ERBB4: variants seen among roughly 807,000 people sequenced by gnomAD.
The protein encoded by ERBB4 is erb-b2 receptor tyrosine kinase 4, also known as receptor tyrosine-protein kinase erbB-4.
Under a neutral mutation model 158.0 loss-of-function variants are expected in ERBB4, and 42 were observed. The ratio of observed to expected loss-of-function variants is 0.27; its 90% CI spans 0.21 to 0.34. ERBB4 has a LOEUF of 0.34. Ranked by LOEUF, ERBB4 falls within the 10% of genes least tolerant of loss-of-function variation. ERBB4 has a pLI of 1.00. For missense variants in ERBB4, 1,333 were observed against 1,624.1 expected (o/e 0.82, Z 3.08); for synonymous variants, 583 against 558.7 (o/e 1.04, Z -0.61).
chr2:212,249,900 T>C lies in ERBB4; in HGVS notation c.83-124997A>G, dbSNP rs549609475. ...TGTATATGAATATAGTAAAGAAGCT[T>C]GACAATGTCAAAGAGCTTATATGCA... On this transcript the variant is annotated intron_variant, in intron 1 of 27. Transcript: ENST00000342788. 3.0e-4 allele frequency among the ~76,000 whole-genome samples: 45 copies of C among 152,136 alleles called. No homozygotes were observed. In the East Asian group the frequency reaches 7.7e-3, roughly 26 times the overall value.
chr2:211,813,813 T>C (rs1371338381), intron 3 of ERBB4, among the ~76,000 whole-genome samples: 2 of 152,068 alleles, frequency 1.3e-5, no homozygotes, highest in Non-Finnish European at 2.9e-5. Context: ...ATGTTAAAAA[T>C]ACCTTTAAAC....
intron 14 of ERBB4, among the ~76,000 whole-genome samples, chr2:211,670,294 C>G (rs774149256): frequency 8.5e-5 from 13 of 152,166 alleles, no homozygotes; most frequent in Non-Finnish European, 1.8e-4. Flanking sequence ...GTTTGGGCCA[C>G]TGGTTGAGCT....
intron 1 of ERBB4, among the ~76,000 whole-genome samples, chr2:212,265,030 C>T (rs1450873990): frequency 6.6e-6 from 1 of 152,056 alleles, no homozygotes; most frequent in Admixed American, 6.6e-5. Context: ...GAGGGGCCCA[C>T]TGGGGTCCAT....
intron 1 of ERBB4, among the ~76,000 whole-genome samples, chr2:212,152,135 T>C (rs969638649): frequency 5.3e-5 from 8 of 152,206 alleles, no homozygotes; most frequent in African/African-American, 1.9e-4. Context: ...TAAATCTGTT[T>C]AGAATTCTCA....
chr2:212,407,516 C>T (rs1485815718), intron 1 of ERBB4, among the ~76,000 whole-genome samples: 1 of 152,048 alleles, frequency 6.6e-6, no homozygotes, highest in Non-Finnish European at 1.5e-5. Flanking sequence ...ACTCTGACTT[C>T]AAAATGCATG....
intron 16 of ERBB4, among the ~76,000 whole-genome samples, chr2:211,648,083 G>C (rs2070842777): frequency 6.6e-6 from 1 of 151,776 alleles, no homozygotes; most frequent in South Asian, 2.1e-4. Context: ...CCTCCCTTGA[G>C]CTCCACAGTA....
intron 2 of ERBB4, among the ~76,000 whole-genome samples, chr2:211,985,912 C>A (rs1274407737): frequency 2.0e-5 from 3 of 152,002 alleles, no homozygotes; most frequent in Admixed American, 6.6e-5. Context: ...AATACTGTTC[C>A]CAAAATTTCA....
intron 20 of ERBB4, among the ~76,000 whole-genome samples, chr2:211,458,174 A>G (rs1278807151): frequency 6.7e-6 from 1 of 148,400 alleles, no homozygotes; most frequent in African/African-American, 2.6e-5. Flanking sequence ...AGGTCACAAC[A>G]CTTGCCCAGC....
chr2:211,773,009 C>T (rs1403166297), intron 4 of ERBB4, among the ~76,000 whole-genome samples: 2 of 137,444 alleles, frequency 1.5e-5, no homozygotes, highest in Non-Finnish European at 3.1e-5. Context: ...CTCTCAAATT[C>T]CAGGCTTAAG....
intron 25 of ERBB4, among the ~76,000 whole-genome samples, 186 bp downstream of exon 25, chr2:211,420,255 G>T (rs1302674329): frequency 6.6e-6 from 1 of 151,894 alleles, no homozygotes; most frequent in Non-Finnish European, 1.5e-5. Flanking sequence ...TATTGTCCAT[G>T]CTTGTCTTCC....
chr2:212,029,772 C>T (rs2076857810), intron 2 of ERBB4, among the ~76,000 whole-genome samples: 1 of 151,978 alleles, frequency 6.6e-6, no homozygotes, highest in Non-Finnish European at 1.5e-5. Flanking sequence ...TGTGTCTAAA[C>T]ATTTTGTTTA....
chr2:211,422,655 T>A (rs763740761), intron 23 of ERBB4, among the ~76,000 whole-genome samples: 1 of 151,930 alleles, frequency 6.6e-6, no homozygotes, highest in Non-Finnish European at 1.5e-5. Flanking sequence ...ACCTTATCTC[T>A]ACAGGCTCTG....
intron 3 of ERBB4, among the ~76,000 whole-genome samples, chr2:211,855,940 G>C (rs981916026): frequency 6.6e-6 from 1 of 152,136 alleles, no homozygotes; most frequent in Non-Finnish European, 1.5e-5. Context: ...ACAGATGAAT[G>C]ATTAAAATTA....
chr2:211,609,344 T>G (rs73078789), intron 19 of ERBB4, among the ~76,000 whole-genome samples: 1,989 of 152,206 alleles, frequency 0.013, 30 homozygotes, highest in African/African-American at 0.035. Flanking sequence ...TAGGAAAGAA[T>G]GCATGCTCAG....
At chr2:211,443,476 G>A (rs2125458692) in intron 20 of ERBB4, among the ~76,000 whole-genome samples, 1 of 152,178 alleles carries the variant, frequency 6.6e-6, no homozygotes, top group South Asian at 2.1e-4. Context: ...CATGCACACT[G>A]ACAATGTGAA....
At chr2:211,430,101 A>C (rs570979964) in intron 21 of ERBB4, among the ~76,000 whole-genome samples, 7 of 152,298 alleles carry the variant, frequency 4.6e-5, no homozygotes, top group Non-Finnish European at 8.8e-5. Context: ...CTATCATTGC[A>C]AAATATTTAT....
chr2:212,514,409 C>G (rs1160658502), intron 1 of ERBB4, among the ~76,000 whole-genome samples: 1 of 152,098 alleles, frequency 6.6e-6, no homozygotes, highest in Non-Finnish European at 1.5e-5. Flanking sequence ...AAATATTATC[C>G]TGTATTTACA....
intron 2 of ERBB4, among the ~76,000 whole-genome samples, chr2:212,063,712 A>C (rs2077851555): frequency 1.3e-5 from 2 of 152,208 alleles, no homozygotes; most frequent in Admixed American, 1.3e-4. Flanking sequence ...AATCAACGAA[A>C]TAAACAAAAA....
intron 1 of ERBB4, among the ~76,000 whole-genome samples, chr2:212,204,424 G>A (rs776642719): frequency 7.2e-5 from 11 of 152,054 alleles, no homozygotes; most frequent in Admixed American, 3.3e-4. Context: ...TGGGCCAGGC[G>A]CGGTGGCTCA....
Sources: allele counts gnomAD v4.1 joint callset (sites outside exome capture counted in the v4.1 genomes callset), GRCh38; gene constraint gnomAD v4.1.1; transcripts MANE v1.5; gene names NCBI Gene and HGNC (gene_info 2026-07-23, HGNC 2026-07-21).